SH3RF2: variants seen among roughly 807,000 people sequenced by gnomAD.
The protein encoded by SH3RF2 is SH3 domain containing ring finger 2.
Under a neutral mutation model 59.0 loss-of-function variants are expected in SH3RF2, and 43 were observed. That is an observed-to-expected ratio of 0.73 (90% CI 0.57 to 0.94). SH3RF2 has a LOEUF of 0.94. Ranked by LOEUF, SH3RF2 falls within the 40% of genes least tolerant of loss-of-function variation. SH3RF2 has a pLI of 0.00. For missense variants in SH3RF2, 930 were observed against 940.1 expected (o/e 0.99, Z 0.14); for synonymous variants, 391 against 391.5 (o/e 1.00, Z 0.01).
chr5:145,972,840 C>G (rs57578639), intron 2 of SH3RF2, among the ~76,000 whole-genome samples: 12,846 of 152,086 alleles, frequency 0.084, 1,827 homozygotes, highest in African/African-American at 0.29. Context: ...TGGCAGCGTG[C>G]AATACCCTGA....
At position 145,937,914 on chromosome 5, in the gene SH3RF2, G is replaced by A. The variant is rs746517742; in HGVS notation, c.-15G>A. On this transcript the variant is annotated 5_prime_UTR_variant, in exon 2 of 10. Transcript: ENST00000359120. Reference sequence around the variant, plus strand: ...ACGCTGCTCCTCCAGGTGGGAACTGGAGTTTTGAAATAAAATGGATGATTT... The same window carrying A: ...ACGCTGCTCCTCCAGGTGGGAACTGAAGTTTTGAAATAAAATGGATGATTT... 7.5e-6 allele frequency: 12 copies of A among 1,605,768 alleles called. No homozygotes were observed. In the East Asian group the frequency reaches 1.8e-4, roughly 24 times the overall value.
downstream of SH3RF2, among the ~76,000 whole-genome samples, chr5:146,066,751 A>T (rs556430435): frequency 1.3e-5 from 2 of 152,294 alleles, no homozygotes; most frequent in African/African-American, 4.8e-5. Flanking sequence ...ACTTAGAGGA[A>T]TTTATTCCTT....
Position 145,938,106 on chromosome 5 carries a change from A to G in SH3RF2, c.178A>G (p.Ile60Val), listed in dbSNP as rs1561699094. ...ATGCAGGACGCCTGTGTTTTCCAACATTGAGGCGCTGCCGGCCAACCTGCT... is the reference window on the plus strand; with the variant it reads ...ATGCAGGACGCCTGTGTTTTCCAACGTTGAGGCGCTGCCGGCCAACCTGCT... ...PECRTPVFSN[I>V]EALPANLLLV... The change falls in exon 2 of 10, where the codon ATT becomes GTT. Residue 60 changes from isoleucine to valine, a missense_variant. Transcript: ENST00000359120. The G allele has an allele frequency of 6.2e-7, 1 of 1,614,218 alleles. No homozygotes were observed. The highest frequency in any genetic ancestry group is 8.5e-7 in the Non-Finnish European group (1 of 1,180,034).
At chr5:146,051,792 TTG>T (rs1224708988) in intron 7 of SH3RF2, among the ~76,000 whole-genome samples, 2 of 152,200 alleles carry the variant, frequency 1.3e-5, no homozygotes, top group East Asian at 1.9e-4. Flanking sequence ...AGCTCCAGCC[TTG>T]AGATGCTATT....
At chr5:146,045,098 C>T (rs139110788) in intron 5 of SH3RF2, among the ~76,000 whole-genome samples, 202 of 152,314 alleles carry the variant, frequency 1.3e-3, no homozygotes, top group African/African-American at 4.8e-3. Context: ...AAGTCCATCC[C>T]ATTTAATCAG....
intron 2 of SH3RF2, among the ~76,000 whole-genome samples, chr5:145,950,888 A>G (rs1180393264): frequency 6.6e-6 from 1 of 152,220 alleles, no homozygotes; most frequent in Admixed American, 6.5e-5. Flanking sequence ...TCTGCTTCCA[A>G]TCCTGTCTTA....
intron 4 of SH3RF2, among the ~76,000 whole-genome samples, chr5:146,007,139 A>G (rs1199501505): frequency 2.0e-5 from 3 of 152,218 alleles, no homozygotes; most frequent in African/African-American, 7.2e-5. Context: ...CCAAAAGCCA[A>G]CAGAAGCCAT....
chr5:146,047,137 A>G (rs184472734), intron 5 of SH3RF2, among the ~76,000 whole-genome samples: 3 of 119,846 alleles, frequency 2.5e-5, no homozygotes, highest in Non-Finnish European at 5.6e-5. Flanking sequence ...TTCAACTACT[A>G]TAAGTCATTG....
downstream of SH3RF2, among the ~76,000 whole-genome samples, chr5:146,064,776 A>AAAGAAAGAAAGGAAAGGAAGG (rs1763040292): frequency 4.0e-5 from 1 of 24,816 alleles, no homozygotes; most frequent in African/African-American, 1.4e-4. Flanking sequence ...GGAAGGAAGG[A>AAAGAAAGAAAGGAAAGGAAGG]AAGGAAGGAA....
intron 2 of SH3RF2, chr5:145,997,825 T>C (rs1281369651): frequency 7.0e-7 from 1 of 1,435,614 alleles, no homozygotes; most frequent in Non-Finnish European, 9.8e-7. Flanking sequence ...CCCGCCGAAA[T>C]AGAAGTACCT....
intron 9 of SH3RF2, among the ~76,000 whole-genome samples, chr5:146,072,303 G>A (rs1172038090): frequency 6.6e-6 from 1 of 152,198 alleles, no homozygotes; most frequent in Non-Finnish European, 1.5e-5. Flanking sequence ...GGACCCAGAA[G>A]TGGTAGCTGT....
chr5:145,983,623 G>A (rs1247089162), intron 2 of SH3RF2, among the ~76,000 whole-genome samples: 3 of 152,222 alleles, frequency 2.0e-5, no homozygotes, highest in African/African-American at 7.2e-5. Context: ...TGAGGCCAGC[G>A]ATAAATTGGG....
At chr5:145,965,828 G>A (rs1415281083) in intron 2 of SH3RF2, among the ~76,000 whole-genome samples, 3 of 152,200 alleles carry the variant, frequency 2.0e-5, no homozygotes, top group Admixed American at 6.5e-5. Context: ...AATATTTAAA[G>A]TGTGGTTGGT....
chr5:146,076,595 C>T (rs1763346135), intron 9 of SH3RF2, among the ~76,000 whole-genome samples: 1 of 152,222 alleles, frequency 6.6e-6, no homozygotes, highest in South Asian at 2.1e-4. Flanking sequence ...GCCTGCTTCT[C>T]CCGCTGAATG....
chr5:146,049,148 G>A lies in SH3RF2; in HGVS notation c.1225G>A (p.Val409Ile). ...CCTGCAAAAGGGAGAAGGCGTCAGGGTCCTGGGGAAGTGCCAGGACGGCTG... is the reference window on the plus strand; with the variant it reads ...CCTGCAAAAGGGAGAAGGCGTCAGGATCCTGGGGAAGTGCCAGGACGGCTG... ...LDLQKGEGVR[V>I]LGKCQDGWLR... is the part of the protein sequence containing the mutation. Residue 409 changes from valine to isoleucine, a missense_variant, in exon 7 of 10, where the codon GTC becomes ATC. Transcript: ENST00000359120. The A allele has an allele frequency of 6.2e-7, 1 of 1,614,152 alleles. No homozygotes were observed.
intron 5 of SH3RF2, among the ~76,000 whole-genome samples, chr5:146,047,111 G>A (rs1365186541): frequency 6.6e-6 from 1 of 151,336 alleles, no homozygotes; most frequent in Non-Finnish European, 1.5e-5. Flanking sequence ...TCCTAGAAAA[G>A]TGAAAGGGAT....
chr5:146,059,537 TGTGTGTGTGTAC>T (rs1160931684), intron 8 of SH3RF2, among the ~76,000 whole-genome samples: 1 of 150,816 alleles, frequency 6.6e-6, no homozygotes, highest in Non-Finnish European at 1.5e-5. Context: ...CACGCGCGCG[TGTGTGTGTGTAC>T]GTGTGTGTGT....
intron 5 of SH3RF2, among the ~76,000 whole-genome samples, chr5:146,041,399 T>G (rs925139142): frequency 9.9e-5 from 15 of 152,206 alleles, no homozygotes; most frequent in African/African-American, 3.6e-4. Context: ...TGGCATACAC[T>G]GTGAGCTCCA....
chr5:146,071,023 G>A (rs2962540), intron 9 of SH3RF2, among the ~76,000 whole-genome samples: 40,303 of 152,110 alleles, frequency 0.26, 6,796 homozygotes, highest in Admixed American at 0.39. Context: ...GACTGCTATA[G>A]GTCACACATG....
Sources: allele counts gnomAD v4.1 joint callset (sites outside exome capture counted in the v4.1 genomes callset), GRCh38; gene constraint gnomAD v4.1.1; transcripts MANE v1.5; gene names NCBI Gene and HGNC (gene_info 2026-07-23, HGNC 2026-07-21).